LARGE1: variants seen among roughly 807,000 people sequenced by gnomAD.
LARGE1 encodes xylosyl- and glucuronyltransferase LARGE1.
A neutral mutation model predicts 87.6 loss-of-function variants in LARGE1; 43 were observed. The ratio of observed to expected loss-of-function variants is 0.49; its 90% CI spans 0.38 to 0.63. LARGE1 has a LOEUF of 0.63. LARGE1 is among the 30% of genes least tolerant of loss of function. The pLI is 0.00. For synonymous variants in LARGE1, 434 were observed against 394.6 expected (o/e 1.10, Z -1.18); for missense variants, 802 against 1,000.2 (o/e 0.80, Z 2.67).
intron 1 of LARGE1, among the ~76,000 whole-genome samples, chr22:33,861,809 C>A (rs983086372): frequency 6.6e-6 from 1 of 151,718 alleles, no homozygotes; most frequent in African/African-American, 2.4e-5. Context: ...GGGAAGGTGA[C>A]CATTCCTATG....
chr22:33,723,924 T>C (rs1185156129), intron 2 of LARGE1: 1 of 152,248 alleles, frequency 6.6e-6, no homozygotes, highest in African/African-American at 2.4e-5. Flanking sequence ...AAGGCAAACT[T>C]GGAGCTAGTG....
chr22:33,439,283 C>T (rs1318006137), intron 6 of LARGE1, among the ~76,000 whole-genome samples: 1 of 151,580 alleles, frequency 6.6e-6, no homozygotes, highest in African/African-American at 2.4e-5. Context: ...AAAGGCACTT[C>T]TCTTCCTCCC....
At chr22:33,774,453 T>A (rs1182706360) in intron 1 of LARGE1, among the ~76,000 whole-genome samples, 2 of 151,968 alleles carry the variant, frequency 1.3e-5, no homozygotes, top group African/African-American at 4.8e-5. Context: ...ACCTCCCGGG[T>A]TGAAGCAATT....
chr22:33,601,265 T>C (rs1014725328), intron 5 of LARGE1, among the ~76,000 whole-genome samples: 6 of 152,128 alleles, frequency 3.9e-5, no homozygotes, highest in Admixed American at 3.3e-4. Context: ...ACACTTGCCA[T>C]TGTGCTGGGG....
intron 1 of LARGE1, among the ~76,000 whole-genome samples, chr22:33,795,220 G>C (rs1313055409): frequency 6.6e-6 from 1 of 152,198 alleles, no homozygotes; most frequent in Non-Finnish European, 1.5e-5. Context: ...AAGTTGTAGG[G>C]CTGCTGAAAG....
At chr22:33,157,484 T>C (rs1030561369), downstream of LARGE1, among the ~76,000 whole-genome samples, 1 of 152,200 alleles carries the variant, frequency 6.6e-6, no homozygotes, top group Non-Finnish European at 1.5e-5. Flanking sequence ...TCTCAGTCCC[T>C]TCCTTGTATT....
At chr22:33,286,690 G>A (rs1036044104) in intron 12 of LARGE1, among the ~76,000 whole-genome samples, 20 of 134,422 alleles carry the variant, frequency 1.5e-4, no homozygotes, top group East Asian at 7.7e-4. Flanking sequence ...AAGGCTGCGA[G>A]GGCAGAACTA....
chr22:33,517,046 C>T (rs536938811), intron 6 of LARGE1, among the ~76,000 whole-genome samples: 3 of 152,090 alleles, frequency 2.0e-5, no homozygotes, highest in Non-Finnish European at 2.9e-5. Context: ...AAAAAAGGGA[C>T]GAGGAGTGTG....
chr22:33,486,022 A>G (rs1205262894), intron 6 of LARGE1, among the ~76,000 whole-genome samples: 1 of 152,244 alleles, frequency 6.6e-6, no homozygotes, highest in African/African-American at 2.4e-5. Flanking sequence ...AATAACTCTT[A>G]GAGACAAGGA....
chr22:33,888,056 G>A (rs1157110896), intron 1 of LARGE1, among the ~76,000 whole-genome samples: 1 of 152,092 alleles, frequency 6.6e-6, no homozygotes, highest in African/African-American at 2.4e-5. Context: ...TCCCAATGTG[G>A]ACAACACTGT....
chr22:33,304,104 T>C (rs1340916376), intron 12 of LARGE1, 125 bp downstream of exon 12: 4 of 1,090,706 alleles, frequency 3.7e-6, no homozygotes, highest in Non-Finnish European at 5.3e-6. Flanking sequence ...TTTCTGGGTC[T>C]CTGCTGCCCC....
intron 6 of LARGE1, among the ~76,000 whole-genome samples, chr22:33,446,912 GA>G (rs2067707457): frequency 6.6e-6 from 1 of 152,140 alleles, no homozygotes; most frequent in South Asian, 2.1e-4. Flanking sequence ...TTGTGTTTTT[GA>G]GACAGAGTCT....
chr22:33,878,313 T>C (rs918057056), intron 1 of LARGE1, among the ~76,000 whole-genome samples: 85 of 151,886 alleles, frequency 5.6e-4, no homozygotes, highest in African/African-American at 2.0e-3. Context: ...AATTTTTGTA[T>C]TTTTAGTATA....
intron 11 of LARGE1, among the ~76,000 whole-genome samples, chr22:33,306,343 T>C: frequency 6.6e-6 from 1 of 152,286 alleles, no homozygotes; most frequent in East Asian, 1.9e-4. Flanking sequence ...GTACAACTCC[T>C]CTGAGAATTG....
intron 1 of LARGE1, among the ~76,000 whole-genome samples, chr22:33,850,895 C>G (rs1041717193): frequency 1.3e-5 from 2 of 152,072 alleles, no homozygotes; most frequent in Non-Finnish European, 2.9e-5. Context: ...TATAAGTAAC[C>G]TAACCGGTCT....
At chr22:33,450,384 G>A (rs1213343611) in intron 6 of LARGE1, among the ~76,000 whole-genome samples, 3 of 150,674 alleles carry the variant, frequency 2.0e-5, no homozygotes, top group Admixed American at 6.6e-5. Context: ...GGCAGATCAC[G>A]TGAGGTCAGG....
At chr22:33,089,465 T>TC in the LARGE1 span, among the ~76,000 whole-genome samples, 8 of 45,192 alleles carry the variant, frequency 1.8e-4, no homozygotes, top group African/African-American at 3.1e-4. Flanking sequence ...CTCCTCTTCC[T>TC]CTTCTTCTTC....
At chr22:33,304,132 G>T (rs1934541191) in intron 12 of LARGE1, 97 bp downstream of exon 12, 2 of 1,389,480 alleles carry the variant, frequency 1.4e-6, no homozygotes, top group Admixed American at 3.7e-5. Context: ...AAAGAAACCT[G>T]TTGGACTAGA....
intron 2 of LARGE1, among the ~76,000 whole-genome samples, chr22:33,700,325 C>T (rs1194047100): frequency 2.6e-5 from 4 of 152,202 alleles, no homozygotes; most frequent in African/African-American, 9.7e-5. Flanking sequence ...ACACCCAGTA[C>T]TATCTACCAT....
Sources: allele counts gnomAD v4.1 joint callset (sites outside exome capture counted in the v4.1 genomes callset), GRCh38; gene constraint gnomAD v4.1.1; transcripts MANE v1.5; gene names NCBI Gene and HGNC (gene_info 2026-07-23, HGNC 2026-07-21).